MAP3K7: variants seen among roughly 807,000 people sequenced by gnomAD.
MAP3K7 encodes the protein TGF-beta activated kinase 1.
Under a neutral mutation model 84.8 loss-of-function variants are expected in MAP3K7, and 21 were observed. The observed-to-expected ratio is 0.25, with a 90% CI of 0.18 to 0.36. The LOEUF is 0.36. MAP3K7 is among the 10% of genes least tolerant of loss of function. The probability of loss-of-function intolerance (pLI) is 1.00; values close to 1 mark genes in which losing one functional copy is unlikely to be tolerated. For synonymous variants in MAP3K7, 241 were observed against 247.7 expected, an observed-to-expected ratio of 0.97 and a Z score of 0.25; for missense variants, 503 against 747.7, an observed-to-expected ratio of 0.67 and a Z score of 3.82.
chr6:90,524,597 AG>A (rs1158744141), intron 13 of MAP3K7, among the ~76,000 whole-genome samples: 2 of 152,232 alleles, frequency 1.3e-5, no homozygotes, highest in Non-Finnish European at 2.9e-5. Flanking sequence ...TAACATTCTT[AG>A]ATGGGCAAAA....
chr6:90,568,432 G>GA (rs1776788194), intron 3 of MAP3K7, 126 bp downstream of exon 3: 4 of 675,918 alleles, frequency 5.9e-6, no homozygotes, highest in Non-Finnish European at 9.8e-6. Context: ...TTTTTATCTT[G>GA]AAAAAATATA....
chr6:90,552,823 A>G (rs773526030), intron 7 of MAP3K7, among the ~76,000 whole-genome samples: 7 of 152,244 alleles, frequency 4.6e-5, no homozygotes, highest in African/African-American at 7.2e-5. Flanking sequence ...CATTGAGTCC[A>G]TAAGTCAATA....
Position 90,552,034 on chromosome 6 carries a change from AAAG to A in MAP3K7, c.867+12_867+14del, listed in dbSNP as rs374673120. On this transcript the variant is annotated intron_variant, in intron 8 of 16. Transcript: ENST00000369329. ...ATTCCCCTAAATCCAAAGCCCCTCA[AAAG>A]AAGGATTATACCCGCATCAAGTGAG... is the stretch of plus-strand genomic sequence containing the variant. The A allele has an allele frequency of 4.4e-6, 7 of 1,589,372 alleles. No homozygotes were observed. The African/African-American group carries it at 5.4e-5, about 12-fold the overall frequency.
At chr6:90,576,740 A>C (rs768547699) in intron 1 of MAP3K7, among the ~76,000 whole-genome samples, 1 of 152,170 alleles carries the variant, frequency 6.6e-6, no homozygotes, top group Non-Finnish European at 1.5e-5. Context: ...CCTCACTCCA[A>C]TTTTAGACAA....
intron 2 of MAP3K7, among the ~76,000 whole-genome samples, chr6:90,568,856 C>T (rs546617013): frequency 5.3e-4 from 81 of 152,080 alleles, no homozygotes; most frequent in Non-Finnish European, 1.1e-3. Flanking sequence ...AGATAGACAT[C>T]TAAACAAATA....
chr6:90,567,801 T>A (rs1776760533), intron 3 of MAP3K7, among the ~76,000 whole-genome samples: 1 of 152,192 alleles, frequency 6.6e-6, no homozygotes, highest in Non-Finnish European at 1.5e-5. Flanking sequence ...TAGCAAAGAC[T>A]TGGAACCAAC....
intron 12 of MAP3K7, among the ~76,000 whole-genome samples, chr6:90,540,439 T>C (rs1775818951): frequency 6.6e-6 from 1 of 151,894 alleles, no homozygotes; most frequent in Non-Finnish European, 1.5e-5. Flanking sequence ...TATAATAGCA[T>C]TAAAAATGTC....
chr6:90,562,622 G>A (rs946341901), intron 3 of MAP3K7, among the ~76,000 whole-genome samples: 6 of 152,290 alleles, frequency 3.9e-5, no homozygotes, highest in South Asian at 2.1e-4. Flanking sequence ...AGGCCTGCCC[G>A]CCTCTGTAGA....
intron 13 of MAP3K7, among the ~76,000 whole-genome samples, chr6:90,533,632 T>C (rs1412868559): frequency 2.0e-5 from 3 of 152,178 alleles, no homozygotes; most frequent in Non-Finnish European, 4.4e-5. Context: ...ACAGTGACCT[T>C]GTTTTTGTCT....
At chr6:90,576,309 G>C (rs907892242) in intron 1 of MAP3K7, among the ~76,000 whole-genome samples, 5 of 151,964 alleles carry the variant, frequency 3.3e-5, no homozygotes, top group African/African-American at 9.7e-5. Context: ...TGTAATCCCA[G>C]CTACTGGGGA....
chr6:90,553,109 GTCAGA>G, intron 7 of MAP3K7, among the ~76,000 whole-genome samples: 1 of 152,282 alleles, frequency 6.6e-6, no homozygotes, highest in East Asian at 1.9e-4. Context: ...TATTAACCAT[GTCAGA>G]GATTTTATGT....
chr6:90,545,713 G>T (rs1393916039), intron 11 of MAP3K7, among the ~76,000 whole-genome samples: 1 of 152,202 alleles, frequency 6.6e-6, no homozygotes, highest in East Asian at 1.9e-4. Context: ...GCTATCTTCT[G>T]CCAGTTTCCA....
chr6:90,561,168 T>C (rs1014841262), intron 4 of MAP3K7, among the ~76,000 whole-genome samples: 2 of 152,106 alleles, frequency 1.3e-5, no homozygotes, highest in African/African-American at 4.8e-5. Context: ...TTCTCCAATG[T>C]AACTACACAA....
intron 1 of MAP3K7, among the ~76,000 whole-genome samples, chr6:90,575,278 C>T (rs1777036335): frequency 6.6e-6 from 1 of 152,108 alleles, no homozygotes; most frequent in African/African-American, 2.4e-5. Context: ...CTTTTAAACA[C>T]TTACCAGCTG....
At chr6:90,573,277 C>T (rs1424761663) in intron 1 of MAP3K7, among the ~76,000 whole-genome samples, 2 of 152,122 alleles carry the variant, frequency 1.3e-5, no homozygotes, top group African/African-American at 2.4e-5. Context: ...AGTATCTTCC[C>T]TTGGAGGAAC....
intron 4 of MAP3K7, 32 bp downstream of exon 4, chr6:90,561,590 C>A: frequency 6.6e-7 from 1 of 1,516,994 alleles, no homozygotes; most frequent in African/African-American, 1.4e-5. Context: ...TATTTTAATC[C>A]ACTAGATAAA....
chr6:90,545,566 G>C (rs887362521), intron 11 of MAP3K7, among the ~76,000 whole-genome samples: 2 of 152,086 alleles, frequency 1.3e-5, no homozygotes, highest in Non-Finnish European at 2.9e-5. Flanking sequence ...CCGGTGAGTA[G>C]GGTTCATCTG....
At position 90,547,143 on chromosome 6, in the gene MAP3K7, T is replaced by C. The variant is rs987484507; in HGVS notation, c.1210+115A>G. The C allele has an allele frequency of 3.5e-5, 39 of 1,124,338 alleles. No homozygotes were observed. The African/African-American group carries it at 5.3e-4, about 15-fold the overall frequency. 69.6% of individuals were successfully genotyped at this position (1,124,338 alleles called of 1,614,324 possible). A position where few individuals can be genotyped will look rare whatever the true frequency, so the allele number is the denominator to read the frequency against. On this transcript the variant is annotated intron_variant, in intron 11 of 16. Coordinates refer to ENST00000369329, the MANE Select transcript of MAP3K7 (RefSeq NM_145331.3). ...TTAGAAAAATATATTGTAAACCTACTTCCTATTTAAAAAAAAATATAAGAC... is the reference window on the plus strand; with the variant it reads ...TTAGAAAAATATATTGTAAACCTACCTCCTATTTAAAAAAAAATATAAGAC...
At chr6:90,554,794 T>C (rs997262255) in intron 6 of MAP3K7, among the ~76,000 whole-genome samples, 13 of 152,230 alleles carry the variant, frequency 8.5e-5, no homozygotes, top group Non-Finnish European at 1.5e-4. Flanking sequence ...TAAAACAATG[T>C]CAAATGTATA....
Sources: allele counts gnomAD v4.1 joint callset (sites outside exome capture counted in the v4.1 genomes callset), GRCh38; gene constraint gnomAD v4.1.1; transcripts MANE v1.5; gene names NCBI Gene and HGNC (gene_info 2026-07-23, HGNC 2026-07-21).